Variants in REC8 observed in about 807,000 individuals in gnomAD.
REC8 encodes the protein REC8 meiotic recombination protein, also known as meiotic recombination protein REC8 homolog.
In REC8, 42 loss-of-function variants were observed where a neutral mutation model predicts 78.3. The observed-to-expected ratio is 0.54, with a 90% CI of 0.42 to 0.69. REC8 has a LOEUF of 0.69. Among genes scored for constraint, REC8 ranks in the 30% least tolerant of loss-of-function variants. The pLI is 0.00. For missense variants in REC8, 581 were observed against 715.8 expected, an observed-to-expected ratio of 0.81 and a Z score of 2.15; for synonymous variants, 268 against 274.1, an observed-to-expected ratio of 0.98 and a Z score of 0.22.
chr14:24,173,696 T>G (rs1023976603), intron 5 of REC8, among the ~76,000 whole-genome samples: 4 of 152,200 alleles, frequency 2.6e-5, no homozygotes, highest in Non-Finnish European at 5.9e-5. Context: ...CTCATCTCTC[T>G]GCACTGGGCT....
downstream of REC8, chr14:24,180,280 CAG>C: frequency 6.5e-7 from 1 of 1,527,242 alleles, no homozygotes; most frequent in Non-Finnish European, 8.8e-7. Context: ...TCATTTGTAA[CAG>C]ATCCAGCCTC....
Position 24,172,317 on chromosome 14 carries a change from T to G in REC8, c.-236T>G, listed in dbSNP as rs4761. 1 of 549,118 alleles carries G rather than the reference T, an allele frequency of 1.8e-6. No homozygotes were observed. Among genetic ancestry groups the G allele is most frequent in the Non-Finnish European group, 3.2e-6 (1 of 311,014 alleles). 34.0% of individuals were successfully genotyped at this position (549,118 alleles called of 1,614,324 possible). ...CGCATCACGTGGCGTGCGGATCCAC[T>G]GAGGGTCCACAGAGAGGGGCGCCCA... On this transcript the variant is annotated 5_prime_UTR_variant, in exon 1 of 19. Transcript: ENST00000611366.
rs1343819607 is a variant in REC8 at position 24,172,928 on chromosome 14, G to C, written c.155G>C (p.Arg52Pro). ...GAAATCCTCAATTACGTGCTGGTAC[G>C]AGTGCAACCCCCGCAGCCCGGCCTG... Reference protein sequence around the residue: ...CEEILNYVLVRVQPPQPGLPR... With the variant: ...CEEILNYVLVPVQPPQPGLPR... Residue 52 changes from arginine (R) to proline (P), a missense_variant, in exon 3 of 19, where the codon CGA becomes CCA. By Grantham distance (103) the Arg-to-Pro change is moderately radical. Transcript: ENST00000611366. The C allele has an allele frequency of 1.2e-6, 2 of 1,611,570 alleles. No homozygotes were observed. Among genetic ancestry groups the C allele is most frequent in the Non-Finnish European group, 1.7e-6 (2 of 1,180,032 alleles).
intron 5 of REC8, 198 bp from the exon 6 acceptor site, chr14:24,175,345 G>A (rs187050769): frequency 2.5e-5 from 13 of 528,962 alleles, no homozygotes; most frequent in Admixed American, 6.2e-5. Context: ...ACTGGGGTGC[G>A]GGTTGGGGAG....
intron 6 of REC8, among the ~76,000 whole-genome samples, 187 bp downstream of exon 6, chr14:24,175,811 T>TC (rs927444255): frequency 6.6e-6 from 1 of 151,230 alleles, no homozygotes; most frequent in Non-Finnish European, 1.5e-5. Flanking sequence ...CAAGCAATTG[T>TC]CCCGCCTCAG....
At chr14:24,172,827 T>C (rs374527186) in intron 2 of REC8, 46 bp downstream of exon 2, 234 of 1,613,754 alleles carry the variant, frequency 1.5e-4, no homozygotes, top group Non-Finnish European at 1.2e-4. Context: ...GGGGGTGAGT[T>C]AGGGGATGGG....
intron 12 of REC8, 126 bp downstream of exon 12, chr14:24,178,348 C>T: frequency 1.1e-6 from 1 of 901,572 alleles, no homozygotes; most frequent in Non-Finnish European, 1.7e-6. Flanking sequence ...TGAAAAATCT[C>T]CTCCATTCTC....
downstream of REC8, chr14:24,180,573 C>T: frequency 6.2e-7 from 1 of 1,613,568 alleles, no homozygotes; most frequent in Non-Finnish European, 8.5e-7. Flanking sequence ...GCCTTGGTGT[C>T]TGGGTGGAGA....
rs2038969925 is a variant in REC8, at chr14:24,177,836, C to T, written c.864+78C>T. The stretch of plus-strand genomic sequence containing the variant: ...AAGGACTGCCTCCCCAAGCCCAGGG[C>T]CACTGCTAGCTTACAGGGGTCCTTA... On this transcript the variant is annotated intron_variant, in intron 11 of 18. Transcript: ENST00000611366. 2.7e-6 allele frequency: 4 copies of T among 1,493,438 alleles called. No homozygotes were observed. In the Admixed American group the frequency reaches 7.3e-5, roughly 27 times the overall value. The allele number at this position is 1,493,438 out of a possible 1,614,324, so 92.5% of individuals were successfully genotyped here.
rs1320367799 is a variant in REC8, at chr14:24,172,160, AGC to A, written c.-390_-389del. On this transcript the variant is annotated 5_prime_UTR_variant, in exon 1 of 19. Coordinates refer to ENST00000611366, the MANE Select transcript of REC8 (RefSeq NM_001048205.2). The stretch of plus-strand genomic sequence containing the variant: ...GGCCCAGGGGCCTGACATCGCTCCC[AGC>A]GCTCGAGGACCGAGGCCTGCTGTGG... The A allele has an allele frequency of 2.8e-5, 6 of 213,208 alleles. No homozygotes were observed. In the East Asian group the frequency reaches 7.3e-4, roughly 26 times the overall value. The allele number at this position is 213,208 out of a possible 1,614,324, so 13.2% of individuals were successfully genotyped here. A position where few individuals can be genotyped will look rare whatever the true frequency, so the allele number is the denominator to read the frequency against.
intron 2 of REC8, 40 bp downstream of exon 2, chr14:24,172,821 G>C (rs759362693): frequency 1.6e-5 from 26 of 1,614,068 alleles, no homozygotes; most frequent in Non-Finnish European, 2.1e-5. Flanking sequence ...GGTGCGGGGG[G>C]TGAGTTAGGG....
rs2039102456 is a variant in REC8, at chr14:24,180,201, C to T, written c.*106C>T. On this transcript the variant is annotated 3_prime_UTR_variant, in exon 19 of 19. Coordinates refer to ENST00000611366, the MANE Select transcript of REC8 (RefSeq NM_001048205.2). ...CTCATTTCTGAATGTGCATTTCCAG[C>T]CTTCTTGCTCTCAGAGCTATTGTTC... The T allele has an allele frequency of 6.2e-7, 1 of 1,607,872 alleles. No homozygotes were observed.
At chr14:24,175,660 T>C (rs2038860686) in intron 6 of REC8, 36 bp downstream of exon 6, 15 of 1,527,688 alleles carry the variant, frequency 9.8e-6, no homozygotes, top group African/African-American at 5.5e-5. Flanking sequence ...GTGAGAGGCA[T>C]AGGCAGGCCC....
intron 2 of REC8, 30 bp downstream of exon 2, chr14:24,172,811 G>C (rs1235183543): frequency 1.2e-6 from 2 of 1,614,116 alleles, no homozygotes; most frequent in Non-Finnish European, 1.7e-6. Context: ...AGGAGGGCCT[G>C]GTGCGGGGGG....
At chr14:24,173,712 ACCCCTGT>A (rs1390463174) in intron 5 of REC8, among the ~76,000 whole-genome samples, 1 of 151,832 alleles carries the variant, frequency 6.6e-6, no homozygotes, top group African/African-American at 2.4e-5. Flanking sequence ...GGGCTTTCTT[ACCCCTGT>A]CCTCCTCCAT....
intron 9 of REC8, 26 bp downstream of exon 9, chr14:24,177,409 G>T (rs2038948786): frequency 6.2e-7 from 1 of 1,613,984 alleles, no homozygotes; most frequent in African/African-American, 1.3e-5. Flanking sequence ...CCTAGACCAG[G>T]TAGGGTGTCA....
In REC8 at chr14:24,178,758, A is replaced by G. The variant is rs1278381506; in HGVS notation, c.1064-19A>G. The G allele has an allele frequency of 1.2e-6, 2 of 1,608,724 alleles. No individual in the cohort carries two copies. Among genetic ancestry groups the G allele is most frequent in the African/African-American group, 1.3e-5 (1 of 74,792 alleles). On this transcript the variant is annotated intron_variant, in intron 13 of 18. Transcript: ENST00000611366. Reference sequence around the variant, plus strand: ...TCCTCACGCCTCAAACCCCGTGCCTACTACCCTCTTGTCCACAGCTGGCTG... The same window carrying G: ...TCCTCACGCCTCAAACCCCGTGCCTGCTACCCTCTTGTCCACAGCTGGCTG...
intron 5 of REC8, 135 bp downstream of exon 5, chr14:24,173,546 C>T (rs1223746979): frequency 1.3e-6 from 2 of 1,492,388 alleles, no homozygotes; most frequent in East Asian, 4.5e-5. Flanking sequence ...AGGGGGACTG[C>T]CAAGGTGGAC....
Position 24,173,057 on chromosome 14 carries a change from C to T in REC8, c.268+16C>T. The T allele has an allele frequency of 6.2e-7, 1 of 1,610,658 alleles. No individual in the cohort carries two copies. Among genetic ancestry groups the T allele is most frequent in the African/African-American group, 1.3e-5 (1 of 75,056 alleles). On this transcript the variant is annotated intron_variant, in intron 3 of 18. Transcript: ENST00000611366. The stretch of plus-strand genomic sequence containing the variant: ...TACCTCGTGGGTAAGGCTGGGAACC[C>T]TCAAAGGTGGGGCGGGCTGAGCAGC...
Sources: allele counts gnomAD v4.1 joint callset (sites outside exome capture counted in the v4.1 genomes callset), GRCh38; gene constraint gnomAD v4.1.1; transcripts MANE v1.5; gene names NCBI Gene and HGNC (gene_info 2026-07-23, HGNC 2026-07-21).